Variants in MTTP observed in about 807,000 individuals in gnomAD.
MTTP encodes the protein microsomal triglyceride transfer protein.
In MTTP, 49 loss-of-function variants were observed where a neutral mutation model predicts 90.6. That is an observed-to-expected ratio of 0.54 (90% CI 0.43 to 0.69). The LOEUF (loss-of-function observed/expected upper bound fraction) is 0.69. MTTP is among the 30% of genes least tolerant of loss of function. The pLI is 0.00. For missense variants in MTTP, 945 were observed against 1,067.5 expected (o/e 0.89, Z 1.60); for synonymous variants, 347 against 384.2 (o/e 0.90, Z 1.13).
chr4:99,618,942 T>G lies in MTTP; in HGVS notation c.2218-32T>G, dbSNP rs41275719. 71,722 of 1,604,734 alleles carry G rather than the reference T, an allele frequency of 0.045. 2,298 individuals are homozygous for G. Among genetic ancestry groups the G allele is most frequent in the African/African-American group, 0.16 (11,632 of 74,640 alleles). ...GGTTAACTAAATTGTACTTATTATT[T>G]TTATAACTATTATTATGCTTTTTTC... On this transcript the variant is annotated intron_variant, in intron 15 of 17. Transcript: ENST00000265517.
intron 3 of MTTP, 172 bp downstream of exon 3, chr4:99,583,689 C>A: frequency 1.3e-6 from 1 of 773,256 alleles, no homozygotes; most frequent in Non-Finnish European, 2.2e-6. Context: ...TGAATCAATG[C>A]CCTGAGTTCC....
intron 1 of MTTP, among the ~76,000 whole-genome samples, chr4:99,564,611 A>G (rs1293603593): frequency 6.6e-6 from 1 of 152,180 alleles, no homozygotes; most frequent in Non-Finnish European, 1.5e-5. Context: ...ATCTTTTGCT[A>G]TATATAGATC....
In MTTP at chr4:99,591,174, C is replaced by G. The variant is rs574875264; in HGVS notation, c.502-61C>G. The G allele has an allele frequency of 9.4e-5, 117 of 1,239,668 alleles. 2 individuals are homozygous for G. The South Asian group carries it at 1.4e-3, about 15-fold the overall frequency. 76.8% of individuals were successfully genotyped at this position (1,239,668 alleles called of 1,614,324 possible). A position where few individuals can be genotyped will look rare whatever the true frequency, so the allele number is the denominator to read the frequency against. ...AGACCTCAATTTTCAAGCCACTTCT[C>G]ACTAGAATTCAAATGGCCCACAAGG... On this transcript the variant is annotated intron_variant, in intron 4 of 17. Coordinates refer to ENST00000265517, the MANE Select transcript of MTTP (RefSeq NM_001386140.1).
chr4:99,574,924 T>C lies in MTTP; in HGVS notation c.15T>C (p.Ala5=). 6.2e-7 allele frequency: 1 copy of C among 1,614,200 alleles called. No individual in the cohort carries two copies. Among genetic ancestry groups the C allele is most frequent in the Non-Finnish European group, 8.5e-7 (1 of 1,180,020 alleles). Residue 5 remains alanine (A), a synonymous_variant, in exon 1 of 18, where the codon GCT becomes GCC. Coordinates refer to ENST00000265517, the MANE Select transcript of MTTP (RefSeq NM_001386140.1). MILL[A]VLFLCFISSY... ...TGCTGGTCAATATGATTCTTCTTGC[T>C]GTGCTTTTTCTCTGCTTCATTTCCT...
intron 1 of MTTP, among the ~76,000 whole-genome samples, chr4:99,566,025 C>T (rs1042605602): frequency 1.0e-3 from 157 of 151,780 alleles, no homozygotes; most frequent in African/African-American, 3.5e-3. Flanking sequence ...CGTGGTGGCT[C>T]ACGCCTGTAA....
chr4:99,615,814 A>G (rs976654217), intron 15 of MTTP, among the ~76,000 whole-genome samples: 2 of 152,244 alleles, frequency 1.3e-5, no homozygotes, highest in African/African-American at 4.8e-5. Flanking sequence ...AAATGGAAGC[A>G]ACAGGATGAG....
At position 99,613,325 on chromosome 4, in the gene MTTP, A is replaced by T. The variant is rs1491246; in HGVS notation, c.2217+185A>T. ...TACTATAGATATGTTATAATTTCAT[A>T]TATTAGATGATTAATAAGTGCCTTT... On this transcript the variant is annotated intron_variant, in intron 15 of 17. Coordinates refer to ENST00000265517, the MANE Select transcript of MTTP (RefSeq NM_001386140.1). Among the ~76,000 whole-genome samples the T allele has an allele frequency of 0.1, 15,884 of 152,180 alleles. 1,000 individuals carry two copies. The highest frequency in any genetic ancestry group is 0.2 in the Middle Eastern group (59 of 294).
At chr4:99,578,426 T>C (rs1725020244) in intron 1 of MTTP, among the ~76,000 whole-genome samples, 1 of 152,152 alleles carries the variant, frequency 6.6e-6, no homozygotes, top group South Asian at 2.1e-4. Context: ...CTGCAAAGCA[T>C]AAACAGAGAA....
intron 7 of MTTP, among the ~76,000 whole-genome samples, chr4:99,596,780 G>A (rs553609050): frequency 6.6e-6 from 1 of 152,124 alleles, no homozygotes; most frequent in Non-Finnish European, 1.5e-5. Flanking sequence ...TGGTGTAGCC[G>A]TGAAATGACC....
In MTTP at chr4:99,622,826, G is replaced by A; in HGVS notation, c.2663G>A (p.Ser888Asn). ...GTGGTGTTTGCCCCTCAGCCGGATA[G>A]TACTTCCAGCGGATGGTTTTGAAAC... ...CKVVFAPQPD[S>N]TSSGWF Residue 888 changes from serine (S) to asparagine (N), a missense_variant, in exon 18 of 18, where the codon AGT becomes AAT. Transcript: ENST00000265517. The A allele has an allele frequency of 6.2e-7, 1 of 1,614,120 alleles. No individual in the cohort carries two copies. Among genetic ancestry groups the A allele is most frequent in the Admixed American group, 1.7e-5 (1 of 60,030 alleles).
chr4:99,576,277 T>C (rs1472636642), intron 1 of MTTP, among the ~76,000 whole-genome samples: 2 of 152,176 alleles, frequency 1.3e-5, no homozygotes, highest in East Asian at 3.8e-4. Context: ...TACCATAGTA[T>C]CAAACCTAAT....
At chr4:99,617,954 A>G (rs546254909) in intron 15 of MTTP, among the ~76,000 whole-genome samples, 3 of 152,250 alleles carry the variant, frequency 2.0e-5, no homozygotes, top group African/African-American at 7.2e-5. Context: ...GATGTAGGCA[A>G]TTCCTGGAAC....
intron 16 of MTTP, among the ~76,000 whole-genome samples, chr4:99,619,555 T>C (rs1726180414): frequency 6.6e-6 from 1 of 152,218 alleles, no homozygotes; most frequent in South Asian, 2.1e-4. Context: ...CTAAGCTCCT[T>C]TAATTTTTCT....
intron 15 of MTTP, 42 bp from the exon 16 acceptor site, chr4:99,618,932 A>G (rs1393968436): frequency 6.9e-6 from 11 of 1,601,932 alleles, no homozygotes; most frequent in Non-Finnish European, 9.4e-6. Context: ...ACTAAATTGT[A>G]CTTATTATTT....
intron 15 of MTTP, among the ~76,000 whole-genome samples, chr4:99,618,472 A>G (rs987235152): frequency 6.6e-6 from 1 of 152,234 alleles, no homozygotes; most frequent in Admixed American, 6.5e-5. Context: ...AGCCACAGCT[A>G]GATTTCTGAT....
intron 8 of MTTP, 104 bp downstream of exon 8, chr4:99,597,328 C>T (rs567178665): frequency 1.6e-6 from 2 of 1,253,204 alleles, no homozygotes; most frequent in East Asian, 2.4e-5. Flanking sequence ...GCCCCACCAC[C>T]AAAACAATTA....
intron 15 of MTTP, among the ~76,000 whole-genome samples, chr4:99,614,946 GA>G (rs1182703958): frequency 1.3e-5 from 2 of 152,122 alleles, no homozygotes; most frequent in African/African-American, 2.4e-5. Flanking sequence ...AGTCACACAT[GA>G]AAAAAACAGT....
chr4:99,584,415 ATACT>A (rs941607225), intron 3 of MTTP, among the ~76,000 whole-genome samples: 68 of 152,288 alleles, frequency 4.5e-4, no homozygotes, highest in African/African-American at 1.5e-3. Flanking sequence ...TGATAAAGTA[ATACT>A]TTATTTATTT....
intron 3 of MTTP, among the ~76,000 whole-genome samples, chr4:99,588,816 CAT>C (rs10598155): frequency 0.035 from 58 of 1,658 alleles, 10 homozygotes; most frequent in African/African-American, 0.23. Flanking sequence ...TATATACACA[CAT>C]ATATATATGT....
Sources: allele counts gnomAD v4.1 joint callset (sites outside exome capture counted in the v4.1 genomes callset), GRCh38; gene constraint gnomAD v4.1.1; transcripts MANE v1.5; gene names NCBI Gene and HGNC (gene_info 2026-07-23, HGNC 2026-07-21).